NRXN3: variants seen among roughly 807,000 people sequenced by gnomAD.
NRXN3 encodes neurexin 3, also known as neurexin III.
Under a neutral mutation model 137.6 loss-of-function variants are expected in NRXN3, and 32 were observed. The ratio of observed to expected loss-of-function variants is 0.23; its 90% CI spans 0.18 to 0.31. The LOEUF (loss-of-function observed/expected upper bound fraction) is 0.31, where lower values mean the gene tolerates loss of function less well. Among genes scored for constraint, NRXN3 ranks in the 10% least tolerant of loss-of-function variants. The pLI, the probability that NRXN3 is intolerant of heterozygous loss-of-function variation, is 1.00. For missense variants in NRXN3, 1,574 were observed against 2,062.5 expected (o/e 0.76, Z 4.59); for synonymous variants, 798 against 784.5 (o/e 1.02, Z -0.29).
intron 16 of NRXN3, among the ~76,000 whole-genome samples, chr14:79,596,028 A>G (rs2097855315): frequency 6.6e-6 from 1 of 151,276 alleles, no homozygotes; most frequent in African/African-American, 2.4e-5. Flanking sequence ...AATATATAAG[A>G]GGACAAATCT....
intron 15 of NRXN3, among the ~76,000 whole-genome samples, chr14:79,214,792 G>T (rs1332707746): frequency 6.6e-6 from 1 of 152,082 alleles, no homozygotes; most frequent in Non-Finnish European, 1.5e-5. Flanking sequence ...CTCTATCAGA[G>T]GTTGTTAGCT....
At chr14:78,859,229 C>T (rs548465333) in intron 10 of NRXN3, among the ~76,000 whole-genome samples, 18 of 152,244 alleles carry the variant, frequency 1.2e-4, no homozygotes, top group African/African-American at 4.1e-4. Context: ...TTCCTGAGGC[C>T]TCCCCAGCCT....
chr14:79,803,064 CT>C (rs2099188184), intron 19 of NRXN3, among the ~76,000 whole-genome samples: 1 of 151,962 alleles, frequency 6.6e-6, no homozygotes, highest in East Asian at 1.9e-4. Context: ...AATAAAAATT[CT>C]TTTTTTCTGC....
At chr14:78,828,386 C>T (rs2152387548) in intron 10 of NRXN3, among the ~76,000 whole-genome samples, 1 of 152,298 alleles carries the variant, frequency 6.6e-6, no homozygotes, top group East Asian at 1.9e-4. Context: ...GTTGGTGGTC[C>T]ACTCTAAAGT....
chr14:79,318,544 C>T (rs1221930293), intron 15 of NRXN3, among the ~76,000 whole-genome samples: 3 of 152,168 alleles, frequency 2.0e-5, no homozygotes, highest in East Asian at 1.9e-4. Flanking sequence ...GATTCTAGAA[C>T]GAAGTAATAA....
At chr14:78,340,050 G>C (rs2081980573) in intron 4 of NRXN3, among the ~76,000 whole-genome samples, 1 of 152,190 alleles carries the variant, frequency 6.6e-6, no homozygotes, top group Admixed American at 6.5e-5. Flanking sequence ...AAAGAAAGCT[G>C]TTCATGGCTT....
chr14:79,845,986 G>T (rs947273817), intron 20 of NRXN3, among the ~76,000 whole-genome samples: 3 of 152,068 alleles, frequency 2.0e-5, no homozygotes, highest in African/African-American at 7.2e-5. Context: ...TGGTGAAGAA[G>T]AACACAGACA....
intron 16 of NRXN3, among the ~76,000 whole-genome samples, chr14:79,522,501 C>T (rs532588177): frequency 2.0e-5 from 3 of 152,104 alleles, no homozygotes; most frequent in African/African-American, 4.8e-5. Flanking sequence ...TTTCTAACTA[C>T]CTTCCAATGT....
chr14:78,414,297 G>A (rs1474216407), intron 4 of NRXN3, among the ~76,000 whole-genome samples: 2 of 152,196 alleles, frequency 1.3e-5, no homozygotes, highest in Middle Eastern at 3.4e-3. Context: ...CCTTGTCAGG[G>A]CCTCAGCACA....
chr14:78,414,203 A>ATT (rs34627670), intron 4 of NRXN3, among the ~76,000 whole-genome samples: 23 of 148,432 alleles, frequency 1.5e-4, no homozygotes, highest in Admixed American at 4.7e-4. Flanking sequence ...TGGATTTGTG[A>ATT]TTTTTTTTTT....
chr14:78,885,130 C>T (rs2099139806), intron 10 of NRXN3, among the ~76,000 whole-genome samples: 1 of 147,778 alleles, frequency 6.8e-6, no homozygotes, highest in African/African-American at 2.5e-5. Flanking sequence ...ATATAAATTA[C>T]ATATATAAAA....
chr14:79,696,096 T>C (rs12147956), intron 18 of NRXN3, among the ~76,000 whole-genome samples: 15,959 of 151,920 alleles, frequency 0.11, 876 homozygotes, highest in East Asian at 0.13. Context: ...GGATGAGCAT[T>C]CTCTTCTCTG....
At chr14:79,155,551 A>C (rs2060187804) in intron 15 of NRXN3, among the ~76,000 whole-genome samples, 1 of 151,880 alleles carries the variant, frequency 6.6e-6, no homozygotes, top group African/African-American at 2.4e-5. Flanking sequence ...TTTGAAAGCA[A>C]AATATATAAT....
At position 79,196,663 on chromosome 14, in the gene NRXN3, AT is replaced by A. The variant is rs955216551; in HGVS notation, c.3262+208531del. 5.2e-3 allele frequency among the ~76,000 whole-genome samples: 787 copies of A among 151,628 alleles called. 12 individuals are homozygous for A. Among genetic ancestry groups the A allele is most frequent in the African/African-American group, 0.018 (757 of 41,318 alleles). ...TATAGATAGATAGATATAGATATAG[AT>A]TTTTTTTTCCTTTTCAGTGTGTTTT... On this transcript the variant is annotated intron_variant, in intron 15 of 20. Coordinates refer to ENST00000335750, the MANE Select transcript of NRXN3 (RefSeq NM_001330195.2).
At chr14:79,164,946 T>C (rs1462232199) in intron 15 of NRXN3, among the ~76,000 whole-genome samples, 1 of 152,006 alleles carries the variant, frequency 6.6e-6, no homozygotes, top group Non-Finnish European at 1.5e-5. Flanking sequence ...TGTTATAATT[T>C]TGGAGCTATA....
At chr14:79,560,665 C>T (rs575958095) in intron 16 of NRXN3, among the ~76,000 whole-genome samples, 1 of 151,674 alleles carries the variant, frequency 6.6e-6, no homozygotes, top group African/African-American at 2.4e-5. Context: ...CATGCACCTC[C>T]ACGCCTGGGA....
intron 15 of NRXN3, among the ~76,000 whole-genome samples, chr14:79,371,107 C>T (rs2094093780): frequency 6.6e-6 from 1 of 152,064 alleles, no homozygotes; most frequent in Non-Finnish European, 1.5e-5. Flanking sequence ...AGGTATCAAG[C>T]AGTAGAAAAA....
In NRXN3 at chr14:79,532,320, G is replaced by T. The variant is rs544167988; in HGVS notation, c.3444+64918G>T. 2.0e-5 allele frequency among the ~76,000 whole-genome samples: 3 copies of T among 152,238 alleles called. No individual in the cohort carries two copies. In the South Asian group the frequency reaches 6.2e-4, roughly 32 times the overall value. On this transcript the variant is annotated intron_variant, in intron 16 of 20. Coordinates refer to ENST00000335750, the MANE Select transcript of NRXN3 (RefSeq NM_001330195.2). ...GATAATTAAATTTCATATATAAATA[G>T]ATAATTAATTTTGATATTTAAAAAA... is the stretch of plus-strand genomic sequence containing the variant.
At chr14:79,525,431 AT>A (rs200730694) in intron 16 of NRXN3, among the ~76,000 whole-genome samples, 7,598 of 152,226 alleles carry the variant, frequency 0.05, 187 homozygotes, top group Middle Eastern at 0.1. Context: ...TGCAATCCGT[AT>A]GTCATTTAAT....
Sources: gnomAD v4.1 joint callset for allele counts (sites outside exome capture counted in the v4.1 genomes callset) on GRCh38, gnomAD v4.1.1 for gene constraint, MANE v1.5 for transcripts, NCBI Gene and HGNC (gene_info 2026-07-23, HGNC 2026-07-21) for gene names.